RUVBL2: variants seen among roughly 807,000 people sequenced by gnomAD.
RUVBL2 encodes the protein RuvB like AAA ATPase 2, also known as ruvB-like 2.
Under a neutral mutation model 57.9 loss-of-function variants are expected in RUVBL2, and 9 were observed. That is an observed-to-expected ratio of 0.16 (90% CI 0.09 to 0.27). The LOEUF is 0.27. RUVBL2 is among the 10% of genes least tolerant of loss of function. The pLI, the probability that RUVBL2 is intolerant of heterozygous loss-of-function variation, is 1.00. For synonymous variants in RUVBL2, 278 were observed against 264.6 expected, an observed-to-expected ratio of 1.05 and a Z score of -0.49; for missense variants, 456 against 669.6, an observed-to-expected ratio of 0.68 and a Z score of 3.52.
Position 49,010,301 on chromosome 19 carries a change from C to T in RUVBL2, c.664-187C>T, listed in dbSNP as rs1436106436. 3 of 699,416 alleles carry T rather than the reference C, an allele frequency of 4.3e-6. No homozygotes were observed. The African/African-American group carries it at 5.4e-5, about 13-fold the overall frequency. 43.3% of individuals were successfully genotyped at this position (699,416 alleles called of 1,614,324 possible). A position where few individuals can be genotyped will look rare whatever the true frequency, so the allele number is the denominator to read the frequency against. On this transcript the variant is annotated intron_variant, in intron 8 of 14. Transcript: ENST00000595090. ...AAGGTCCTCCGGGAGCCCCCGTGAC[C>T]CTCAGCGCTCTGGAATGTCCCTAGT...
intron 11 of RUVBL2, among the ~76,000 whole-genome samples, chr19:49,012,789 G>A (rs573306453): frequency 4.0e-5 from 6 of 151,474 alleles, no homozygotes; most frequent in South Asian, 2.1e-4. Flanking sequence ...TTGCTCTGTC[G>A]CCCAGGCTGG....
In RUVBL2 at chr19:49,010,523, G is replaced by A; in HGVS notation, c.699G>A (p.Gln233=). ...TGCAGTGCCCAGATGGGGAGCTCCA[G>A]AAACGCAAGGAGGTGGTGCACACCG... The part of the protein sequence containing the change: ...KFVQCPDGEL[Q]KRKEVVHTVS... Residue 233 remains glutamine, a synonymous_variant, in exon 9 of 15, where the codon CAG becomes CAA. Transcript: ENST00000595090. 6.7e-7 allele frequency: 1 copy of A among 1,488,238 alleles called. No individual in the cohort carries two copies. The highest frequency in any genetic ancestry group is 1.8e-4 in the Middle Eastern group (1 of 5,410). 92.2% of individuals were successfully genotyped at this position (1,488,238 alleles called of 1,614,324 possible). A position where few individuals can be genotyped will look rare whatever the true frequency, so the allele number is the denominator to read the frequency against.
At chr19:49,009,599 G>C (rs1042542159) in intron 6 of RUVBL2, among the ~76,000 whole-genome samples, 177 bp from the exon 7 acceptor site, 1 of 152,204 alleles carries the variant, frequency 6.6e-6, no homozygotes, top group Non-Finnish European at 1.5e-5. Context: ...AGCCATCACC[G>C]CGTCAGGCTG....
At chr19:48,995,239 G>A (rs1037098112) in intron 1 of RUVBL2, among the ~76,000 whole-genome samples, 5 of 151,898 alleles carry the variant, frequency 3.3e-5, no homozygotes, top group Non-Finnish European at 7.4e-5. Context: ...AGAGACTTAT[G>A]ATGAAAGAGA....
intron 1 of RUVBL2, among the ~76,000 whole-genome samples, chr19:48,998,962 G>A (rs976397547): frequency 6.6e-6 from 1 of 152,110 alleles, no homozygotes; most frequent in African/African-American, 2.4e-5. Context: ...AGGAGGCGGA[G>A]GTTGCAGTGA....
chr19:48,994,273 GC>G (rs2039009197), intron 1 of RUVBL2: 1 of 321,932 alleles, frequency 3.1e-6, no homozygotes, highest in South Asian at 4.4e-5. Flanking sequence ...TGCGCTTCGA[GC>G]CATTTGGGAG....
chr19:49,013,890 G>A (rs1359169697), intron 11 of RUVBL2, among the ~76,000 whole-genome samples: 4 of 152,222 alleles, frequency 2.6e-5, no homozygotes, highest in Admixed American at 6.5e-5. Context: ...CTCCAGCCTC[G>A]CAACAGAGCG....
chr19:49,010,943 G>A, intron 9 of RUVBL2, 56 bp from the exon 10 acceptor site: 2 of 1,463,002 alleles, frequency 1.4e-6, no homozygotes, highest in South Asian at 2.4e-5. Flanking sequence ...GCCACACTCT[G>A]GCCCTGGAAC....
intron 4 of RUVBL2, among the ~76,000 whole-genome samples, chr19:49,005,854 C>A (rs2039272043): frequency 6.6e-6 from 1 of 152,122 alleles, no homozygotes; most frequent in African/African-American, 2.4e-5. Flanking sequence ...CAGGCTGGTC[C>A]CGAACTCCTG....
chr19:49,012,649 A>G (rs938500478), intron 11 of RUVBL2, among the ~76,000 whole-genome samples: 6 of 152,346 alleles, frequency 3.9e-5, no homozygotes, highest in South Asian at 4.1e-4. Context: ...GTCACCTGAC[A>G]CCCACTTTCC....
chr19:48,993,521 G>A, upstream of RUVBL2: 1 of 441,720 alleles, frequency 2.3e-6, no homozygotes, highest in Non-Finnish European at 4.2e-6. Context: ...GAAACGAGTG[G>A]CCTTCAGCTC....
At chr19:48,994,685 T>G (rs1010098012) in intron 1 of RUVBL2, 1 of 152,166 alleles carries the variant, frequency 6.6e-6, no homozygotes, top group Non-Finnish European at 1.5e-5. Context: ...ATCCCAGCAC[T>G]TTGGGAGGCC....
At position 49,011,084 on chromosome 19, in the gene RUVBL2, C is replaced by A; in HGVS notation, c.873C>A (p.Ile291=). 1.3e-6 allele frequency: 2 copies of A among 1,580,128 alleles called. No homozygotes were observed. Among genetic ancestry groups the A allele is most frequent in the Non-Finnish European group, 1.7e-6 (2 of 1,156,490 alleles). ...AEWREEGKAE[I]IPGVLFIDEV... Reference sequence around the variant, plus strand: ...GGCGCGAGGAGGGCAAGGCGGAGATCATCCCTGGAGTGAGGACCCAGGACA... The same window carrying A: ...GGCGCGAGGAGGGCAAGGCGGAGATAATCCCTGGAGTGAGGACCCAGGACA... Residue 291 remains isoleucine, a synonymous_variant, in exon 10 of 15, where the codon ATC becomes ATA. Transcript: ENST00000595090. This position sits in a 1 kb window ranked among gnomAD's most constrained non-coding sequence, Gnocchi z 4.4.
At chr19:49,004,142 C>G (rs1300082775) in intron 3 of RUVBL2, 135 bp from the exon 4 acceptor site, 3 of 595,052 alleles carry the variant, frequency 5.0e-6, no homozygotes, top group Non-Finnish European at 7.6e-6. Context: ...AAAAAAAAAG[C>G]AGGGAAAGCT....
intron 6 of RUVBL2, 108 bp downstream of exon 6, chr19:49,007,476 C>G: frequency 1.0e-6 from 1 of 1,004,364 alleles, no homozygotes; most frequent in Non-Finnish European, 1.5e-6. Context: ...AATGTTCTAG[C>G]TGCAGACTAG....
rs75090278 is a variant in RUVBL2 at position 49,007,433 on chromosome 19, T to C, written c.462+65T>C. 1,081 of 1,459,094 alleles carry C rather than the reference T, an allele frequency of 7.4e-4. 5 individuals are homozygous for C. In the African/African-American group the frequency reaches 0.013, roughly 17 times the overall value. The allele number at this position is 1,459,094 out of a possible 1,614,324, so 90.4% of individuals were successfully genotyped here. On this transcript the variant is annotated intron_variant, in intron 6 of 14. Transcript: ENST00000595090. ...CAGCGCCAGGGTTGGAGAGAGTAGA[T>C]ATCAGGTCTGCACTGAGGTCAGAAT...
intron 1 of RUVBL2, chr19:48,994,307 A>C: frequency 3.8e-6 from 1 of 261,558 alleles, no homozygotes; most frequent in East Asian, 8.3e-5. Flanking sequence ...AGTGGTGCCA[A>C]TGGCACTTGA....
At chr19:49,003,157 A>C in intron 2 of RUVBL2, 122 bp from the exon 3 acceptor site, 1 of 811,186 alleles carries the variant, frequency 1.2e-6, no homozygotes, top group Non-Finnish European at 2.1e-6. Context: ...CATTCCCCCA[A>C]CCCCTGCTCC....
At chr19:49,015,709 T>C in intron 14 of RUVBL2, 23 bp downstream of exon 14, 1 of 1,611,458 alleles carries the variant, frequency 6.2e-7, no homozygotes, top group Non-Finnish European at 8.5e-7. Flanking sequence ...ACCCCGCACC[T>C]GCACTGCCAG....
Sources: allele counts gnomAD v4.1 joint callset (sites outside exome capture counted in the v4.1 genomes callset), GRCh38; gene constraint gnomAD v4.1.1; non-coding constraint Gnocchi (gnomAD v3.1); transcripts MANE v1.5; gene names NCBI Gene and HGNC (gene_info 2026-07-23, HGNC 2026-07-21).